Variants in ANXA8 observed in about 807,000 individuals in gnomAD.
ANXA8 encodes the protein annexin A8.
Under a neutral mutation model 26.8 loss-of-function variants are expected in ANXA8, and 9 were observed. That is an observed-to-expected ratio of 0.34 (90% CI 0.20 to 0.59). The LOEUF is 0.59. Ranked by LOEUF, ANXA8 falls within the 20% of genes least tolerant of loss-of-function variation. The probability of loss-of-function intolerance (pLI) is 0.84; values close to 1 mark genes in which losing one functional copy is unlikely to be tolerated. For missense variants in ANXA8, 83 were observed against 238.5 expected, an observed-to-expected ratio of 0.35 and a Z score of 4.29; for synonymous variants, 39 against 94.8, an observed-to-expected ratio of 0.41 and a Z score of 3.42.
At chr10:47,526,094 A>AT in the ANXA8 span, among the ~76,000 whole-genome samples, 7 of 132,410 alleles carry the variant, frequency 5.3e-5, 1 homozygote, top group Non-Finnish European at 4.8e-5. Context: ...TTTTAAAAGA[A>AT]TTTTTTTTAC....
chr10:47,744,437 G>GGA, the ANXA8 span, among the ~76,000 whole-genome samples: 1 of 48,684 alleles, frequency 2.1e-5, no homozygotes, highest in Non-Finnish European at 4.0e-5. Context: ...GGGGAGGGGG[G>GGA]AAGAGGGGGG....
chr10:47,636,506 C>A, the ANXA8 span, among the ~76,000 whole-genome samples: 1 of 145,322 alleles, frequency 6.9e-6, no homozygotes, highest in East Asian at 2.1e-4. Context: ...AGTTTTAAAT[C>A]ATTTTTTAGA....
chr10:47,549,492 G>T, the ANXA8 span: 6 of 795,738 alleles, frequency 7.5e-6, no homozygotes, highest in Non-Finnish European at 1.1e-5. Flanking sequence ...CACCACATAC[G>T]TTTACAGGAG....
the ANXA8 span, among the ~76,000 whole-genome samples, chr10:47,981,496 AAAAG>A: frequency 3.0e-5 from 3 of 101,446 alleles, no homozygotes; most frequent in African/African-American, 7.1e-5. Flanking sequence ...ATCCAAATTG[AAAAG>A]AAAGATGTAA....
At chr10:47,548,685 C>T in the ANXA8 span, among the ~76,000 whole-genome samples, 1 of 146,714 alleles carries the variant, frequency 6.8e-6, no homozygotes, top group Non-Finnish European at 1.5e-5. Flanking sequence ...CATAAATGTA[C>T]ATTTTCCACA....
chr10:47,960,748 G>GC, the ANXA8 span, among the ~76,000 whole-genome samples: 2 of 145,562 alleles, frequency 1.4e-5, no homozygotes, highest in Non-Finnish European at 3.0e-5. Context: ...TGTTGATCAT[G>GC]CCCCCCCAAC....
At chr10:47,496,022 T>C in the ANXA8 span, among the ~76,000 whole-genome samples, 2 of 151,168 alleles carry the variant, frequency 1.3e-5, no homozygotes, top group East Asian at 2.0e-4. Context: ...CAGGGCTGAG[T>C]CCCTGGAGGC....
At chr10:47,940,798 A>C in the ANXA8 span, among the ~76,000 whole-genome samples, 1 of 143,078 alleles carries the variant, frequency 7.0e-6, no homozygotes, top group Non-Finnish European at 1.5e-5. Flanking sequence ...ACTGCACTCC[A>C]GCTTAGGCGA....
chr10:47,693,589 C>G, the ANXA8 span, among the ~76,000 whole-genome samples: 7 of 151,902 alleles, frequency 4.6e-5, no homozygotes, highest in Non-Finnish European at 1.0e-4. Flanking sequence ...CGCGCCCGGC[C>G]GAGTACAATC....
chr10:47,621,901 C>T, the ANXA8 span, among the ~76,000 whole-genome samples: 9 of 55,344 alleles, frequency 1.6e-4, 1 homozygote, highest in African/African-American at 1.1e-3. Context: ...AAAATAATAG[C>T]GTTGTGAGAA....
At chr10:47,656,304 G>A in the ANXA8 span, among the ~76,000 whole-genome samples, 2 of 151,388 alleles carry the variant, frequency 1.3e-5, no homozygotes, top group South Asian at 4.1e-4. Context: ...AGGCTGAGGT[G>A]GGAGGATCTC....
At chr10:47,733,225 T>TTCTTTCTC in the ANXA8 span, among the ~76,000 whole-genome samples, 6 of 58,324 alleles carry the variant, frequency 1.0e-4, no homozygotes, top group Admixed American at 6.0e-4. Context: ...TTCTTTCTCT[T>TTCTTTCTC]TCTTTCTCTC....
the ANXA8 span, among the ~76,000 whole-genome samples, chr10:47,578,056 C>A: frequency 1.6e-5 from 1 of 62,092 alleles, no homozygotes; most frequent in East Asian, 2.6e-4. Context: ...TGGCTCATGC[C>A]TGTAATCCCT....
the ANXA8 span, among the ~76,000 whole-genome samples, chr10:47,683,609 G>A: frequency 6.6e-6 from 1 of 151,996 alleles, no homozygotes; most frequent in African/African-American, 2.4e-5. Flanking sequence ...TCAGGTCAAA[G>A]AATAAAAGGA....
chr10:47,672,115 A>C, the ANXA8 span, among the ~76,000 whole-genome samples: 1 of 150,686 alleles, frequency 6.6e-6, no homozygotes, highest in South Asian at 2.1e-4. Context: ...ATTGCAATCT[A>C]ATTTTTAGTG....
At chr10:47,925,584 G>A in the ANXA8 span, among the ~76,000 whole-genome samples, 8 of 52,910 alleles carry the variant, frequency 1.5e-4, 2 homozygotes, top group Non-Finnish European at 2.8e-4. Context: ...TAGAAGCCTC[G>A]TTGAGTGTGT....
chr10:47,688,602 A>G, the ANXA8 span, among the ~76,000 whole-genome samples: 2 of 150,530 alleles, frequency 1.3e-5, no homozygotes, highest in Non-Finnish European at 3.0e-5. Context: ...TTGTATTTTT[A>G]GTAGAGATGG....
chr10:47,555,013 G>A, the ANXA8 span, among the ~76,000 whole-genome samples: 5 of 151,154 alleles, frequency 3.3e-5, no homozygotes, highest in Admixed American at 2.6e-4. Flanking sequence ...CAGGTCCAAG[G>A]ACTGCAACCC....
chr10:47,483,398 C>A (rs1399232236), intron 1 of ANXA8, among the ~76,000 whole-genome samples: 3 of 135,464 alleles, frequency 2.2e-5, no homozygotes, highest in South Asian at 2.4e-4. Flanking sequence ...CAGGACCTGG[C>A]CCTGCCTGCT....
Sources: allele counts gnomAD v4.1 joint callset (sites outside exome capture counted in the v4.1 genomes callset), GRCh38; gene constraint gnomAD v4.1.1; transcripts MANE v1.5; gene names NCBI Gene and HGNC (gene_info 2026-07-23, HGNC 2026-07-21).